CADM2: variants seen among roughly 807,000 people sequenced by gnomAD.
The protein encoded by CADM2 is immunoglobulin superfamily member 4D.
A neutral mutation model predicts 49.8 loss-of-function variants in CADM2; 12 were observed. The ratio of observed to expected loss-of-function variants is 0.24; its 90% confidence interval spans 0.15 to 0.39. The LOEUF is 0.39. CADM2 is among the 10% of genes least tolerant of loss of function. The pLI is 1.00. For missense variants in CADM2, 378 were observed against 492.3 expected, an observed-to-expected ratio of 0.77 and a Z score of 2.20; for synonymous variants, 214 against 175.4, an observed-to-expected ratio of 1.22 and a Z score of -1.74.
At chr3:86,054,843 A>T (rs142691728) in intron 8 of CADM2, among the ~76,000 whole-genome samples, 6 of 152,244 alleles carry the variant, frequency 3.9e-5, no homozygotes, top group African/African-American at 1.4e-4. Context: ...ATTTTCACAG[A>T]ATACATTGCC....
Position 85,135,783 on chromosome 3 carries a change from G to A in CADM2, c.61+176115G>A, listed in dbSNP as rs115834512. ...GTAAAACTTTTAATTTATACATCCAGTTGTGTTTTTTATACTTTCATCAGT... is the reference window on the plus strand; with the variant it reads ...GTAAAACTTTTAATTTATACATCCAATTGTGTTTTTTATACTTTCATCAGT... On this transcript the variant is annotated intron_variant, in intron 1 of 9. Transcript: ENST00000383699. Among the ~76,000 whole-genome samples, 1,017 of 152,060 alleles carry A rather than the reference G, an allele frequency of 6.7e-3. 14 individuals are homozygous for A. The highest frequency in any genetic ancestry group is 0.022 in the African/African-American group (919 of 41,520).
chr3:85,520,604 A>G (rs1393778401), intron 1 of CADM2, among the ~76,000 whole-genome samples: 1 of 152,048 alleles, frequency 6.6e-6, no homozygotes, highest in Admixed American at 6.6e-5. Context: ...TCATAGCTGT[A>G]GGAAACTATT....
At chr3:84,999,517 A>T (rs2033346902) in intron 1 of CADM2, among the ~76,000 whole-genome samples, 1 of 152,114 alleles carries the variant, frequency 6.6e-6, no homozygotes, top group Non-Finnish European at 1.5e-5. Context: ...CTCTGTTTGG[A>T]GGCTATTTTA....
chr3:85,907,922 A>G (rs927266324), intron 5 of CADM2, among the ~76,000 whole-genome samples: 1 of 151,950 alleles, frequency 6.6e-6, no homozygotes, highest in African/African-American at 2.4e-5. Context: ...AAAAAAAAAA[A>G]AAAGAAGATA....
At chr3:85,268,090 G>A (rs1054869380) in intron 1 of CADM2, among the ~76,000 whole-genome samples, 16 of 151,458 alleles carry the variant, frequency 1.1e-4, no homozygotes, top group Admixed American at 6.0e-4. Context: ...TGTATAATAA[G>A]GTGATCTGAC....
At chr3:85,633,310 C>G (rs1430897150) in intron 1 of CADM2, among the ~76,000 whole-genome samples, 1 of 151,986 alleles carries the variant, frequency 6.6e-6, no homozygotes, top group Admixed American at 6.6e-5. Context: ...GTAATATTCT[C>G]CCATATGATT....
intron 8 of CADM2, among the ~76,000 whole-genome samples, chr3:86,035,952 C>T (rs773697130): frequency 6.6e-6 from 1 of 152,086 alleles, no homozygotes; most frequent in Non-Finnish European, 1.5e-5. Flanking sequence ...TCACCATATT[C>T]TCGCATGACA....
At chr3:85,324,297 A>T (rs1197992371) in intron 1 of CADM2, among the ~76,000 whole-genome samples, 1 of 152,198 alleles carries the variant, frequency 6.6e-6, no homozygotes, top group African/African-American at 2.4e-5. Context: ...AAAATGTTTA[A>T]ATCATTTGTG....
At chr3:85,825,417 C>G (rs553798205) in intron 3 of CADM2, among the ~76,000 whole-genome samples, 1 of 152,152 alleles carries the variant, frequency 6.6e-6, no homozygotes, top group African/African-American at 2.4e-5. Context: ...CAGCCACTAC[C>G]AGAGCCCAAA....
At chr3:85,229,965 T>G (rs529208534) in intron 1 of CADM2, among the ~76,000 whole-genome samples, 1 of 152,334 alleles carries the variant, frequency 6.6e-6, no homozygotes, top group East Asian at 1.9e-4. Context: ...TAAGATAACT[T>G]GTGTTATTAA....
At chr3:85,776,001 C>T (rs1407125395) in intron 2 of CADM2, among the ~76,000 whole-genome samples, 1 of 151,692 alleles carries the variant, frequency 6.6e-6, no homozygotes, top group African/African-American at 2.4e-5. Flanking sequence ...CTTTAATGCA[C>T]ATATCAATAT....
At chr3:85,824,748 A>G (rs1375217) in intron 3 of CADM2, among the ~76,000 whole-genome samples, 53,681 of 151,914 alleles carry the variant, frequency 0.35, 9,988 homozygotes, top group East Asian at 0.57. Context: ...GTGGAGTGGC[A>G]GTCTATCCTG....
intron 2 of CADM2, among the ~76,000 whole-genome samples, chr3:85,775,015 C>T (rs2070289990): frequency 6.6e-6 from 1 of 151,782 alleles, no homozygotes; most frequent in African/African-American, 2.4e-5. Context: ...TATGCACACA[C>T]ACACACCCTT....
At chr3:85,915,528 A>G (rs1718172855) in intron 6 of CADM2, among the ~76,000 whole-genome samples, 2 of 152,168 alleles carry the variant, frequency 1.3e-5, no homozygotes, top group Non-Finnish European at 2.9e-5. Flanking sequence ...CATCAATATT[A>G]GAGCAAATTG....
intron 1 of CADM2, among the ~76,000 whole-genome samples, chr3:85,598,587 T>C (rs2063309661): frequency 6.6e-6 from 1 of 151,890 alleles, no homozygotes; most frequent in Non-Finnish European, 1.5e-5. Flanking sequence ...ACACCACTGC[T>C]CTGGTAATAA....
chr3:85,599,381 C>T (rs929057747), intron 1 of CADM2, among the ~76,000 whole-genome samples: 11 of 151,920 alleles, frequency 7.2e-5, no homozygotes, highest in African/African-American at 2.4e-4. Flanking sequence ...TCTTAAAGAT[C>T]GTCTGGTACT....
chr3:85,560,698 TA>T (rs764159612), intron 1 of CADM2, among the ~76,000 whole-genome samples: 2 of 152,206 alleles, frequency 1.3e-5, no homozygotes, highest in Non-Finnish European at 2.9e-5. Flanking sequence ...GTTCAAAGAC[TA>T]ATGTTCTCAA....
At chr3:85,074,836 T>C (rs550197157) in intron 1 of CADM2, among the ~76,000 whole-genome samples, 1 of 152,178 alleles carries the variant, frequency 6.6e-6, no homozygotes, top group East Asian at 1.9e-4. Context: ...GATAGAGATT[T>C]TTCTTCTCTA....
At chr3:85,857,664 G>C (rs1477393694) in intron 3 of CADM2, among the ~76,000 whole-genome samples, 1 of 152,046 alleles carries the variant, frequency 6.6e-6, no homozygotes, top group African/African-American at 2.4e-5. Context: ...AAAGGGACAG[G>C]CAGAACAAAT....
Sources: gnomAD v4.1 joint callset for allele counts (sites outside exome capture counted in the v4.1 genomes callset) on GRCh38, gnomAD v4.1.1 for gene constraint, MANE v1.5 for transcripts, NCBI Gene and HGNC (gene_info 2026-07-23, HGNC 2026-07-21) for gene names.